The following PTPRN2 variants were observed in gnomAD, a reference collection of about 807,000 sequenced individuals.
The protein encoded by PTPRN2 is protein tyrosine phosphatase receptor type N2.
PTPRN2 carries 74 observed loss-of-function variants against 118.8 expected under a neutral mutation model. The observed-to-expected ratio is 0.62, with a 90% CI of 0.52 to 0.76. PTPRN2 has a LOEUF of 0.76. Ranked by LOEUF, PTPRN2 falls within the 30% of genes least tolerant of loss-of-function variation. PTPRN2 has a pLI of 0.00. For missense variants in PTPRN2, 1,481 were observed against 1,394.4 expected, an observed-to-expected ratio of 1.06 and a Z score of -0.99; for synonymous variants, 641 against 608.0, an observed-to-expected ratio of 1.05 and a Z score of -0.80.
Position 158,316,772 on chromosome 7 carries a change from G to T in PTPRN2, c.277+47C>A, listed in dbSNP as rs562173360. The T allele has an allele frequency of 8.4e-6, 12 of 1,427,076 alleles. No homozygotes were observed. The African/African-American group carries it at 1.4e-4, about 17-fold the overall frequency. The allele number at this position is 1,427,076 out of a possible 1,614,324, so 88.4% of individuals were successfully genotyped here. A position where few individuals can be genotyped will look rare whatever the true frequency, so the allele number is the denominator to read the frequency against. ...CAGGAGGAGAAGCCAAGCCCGTGCG[G>T]TCGCTCAGTGCGGCAGCCGCCGAGC... On this transcript the variant is annotated intron_variant, in intron 3 of 22. Transcript: ENST00000389418.
At chr7:158,124,792 G>C (rs1253644484) in intron 9 of PTPRN2, among the ~76,000 whole-genome samples, 1 of 152,194 alleles carries the variant, frequency 6.6e-6, no homozygotes, top group Non-Finnish European at 1.5e-5. Context: ...GCCACGCTGG[G>C]GCTGGGGTCT....
At chr7:158,270,699 C>G (rs1004395030) in intron 3 of PTPRN2, among the ~76,000 whole-genome samples, 1 of 151,688 alleles carries the variant, frequency 6.6e-6, no homozygotes, top group Admixed American at 6.6e-5. Context: ...CTGGGCCACC[C>G]CTCTACTGGG....
chr7:158,061,645 C>T (rs2128907585), intron 11 of PTPRN2, among the ~76,000 whole-genome samples: 1 of 152,316 alleles, frequency 6.6e-6, no homozygotes, highest in Admixed American at 6.5e-5. Context: ...CCAGGATTGT[C>T]ATTTCAGCAC....
At chr7:158,366,056 GC>G (rs1271750133) in intron 2 of PTPRN2, among the ~76,000 whole-genome samples, 1 of 142,648 alleles carries the variant, frequency 7.0e-6, no homozygotes, top group Non-Finnish European at 1.5e-5. Flanking sequence ...AGAAGCTGCA[GC>G]CCAATGCACG....
chr7:157,686,397 A>C (rs1797195848), intron 12 of PTPRN2, among the ~76,000 whole-genome samples: 1 of 152,218 alleles, frequency 6.6e-6, no homozygotes, highest in South Asian at 2.1e-4. Flanking sequence ...ATAACTTTAC[A>C]ATGACTTGAC....
chr7:158,533,665 G>A (rs1825416980), intron 1 of PTPRN2, among the ~76,000 whole-genome samples: 1 of 152,208 alleles, frequency 6.6e-6, no homozygotes, highest in African/African-American at 2.4e-5. Flanking sequence ...AGAAGCTCTA[G>A]CCTGAGGCAC....
intron 11 of PTPRN2, among the ~76,000 whole-genome samples, chr7:157,995,641 C>G (rs1804669060): frequency 1.3e-5 from 2 of 152,252 alleles, no homozygotes; most frequent in African/African-American, 4.8e-5. Context: ...GGGTGTGGAC[C>G]AAGGGCTTGC....
At chr7:158,522,920 C>A (rs1162449293) in intron 1 of PTPRN2, among the ~76,000 whole-genome samples, 1 of 152,178 alleles carries the variant, frequency 6.6e-6, no homozygotes, top group Admixed American at 6.5e-5. Flanking sequence ...AGGGAGAGGG[C>A]AGCAAAGATC....
chr7:158,449,892 C>A (rs1485113835), intron 2 of PTPRN2, among the ~76,000 whole-genome samples: 1 of 152,330 alleles, frequency 6.6e-6, no homozygotes, highest in East Asian at 1.9e-4. Context: ...AGCTACAACA[C>A]AAAACGTTGC....
chr7:158,199,059 C>T (rs1403490914), intron 4 of PTPRN2, among the ~76,000 whole-genome samples: 6 of 152,058 alleles, frequency 3.9e-5, no homozygotes, highest in Non-Finnish European at 8.8e-5. Flanking sequence ...AGCATGTTCT[C>T]AAGTTCTCAG....
chr7:158,370,567 A>G (rs932392121), intron 2 of PTPRN2, among the ~76,000 whole-genome samples: 3 of 152,196 alleles, frequency 2.0e-5, no homozygotes, highest in Non-Finnish European at 2.9e-5. Context: ...CCTGGCCAAC[A>G]CGGTGAAACC....
chr7:158,577,803 C>T (rs1185237356), intron 1 of PTPRN2, among the ~76,000 whole-genome samples: 2 of 152,242 alleles, frequency 1.3e-5, no homozygotes, highest in Admixed American at 1.3e-4. Flanking sequence ...ACAGGTCTCC[C>T]CTTGGACTCT....
chr7:158,226,462 T>G (rs940777352), intron 3 of PTPRN2, among the ~76,000 whole-genome samples: 1 of 152,142 alleles, frequency 6.6e-6, no homozygotes, highest in Non-Finnish European at 1.5e-5. Context: ...CAGGCTGAAC[T>G]GTGTGGCAGA....
intron 2 of PTPRN2, among the ~76,000 whole-genome samples, chr7:158,350,984 G>A (rs962647774): frequency 3.9e-5 from 6 of 152,206 alleles, no homozygotes; most frequent in African/African-American, 1.4e-4. Flanking sequence ...TCAGGTGCCA[G>A]TTCCGTCAAC....
At chr7:157,664,401 T>G (rs1413815792) in intron 13 of PTPRN2, among the ~76,000 whole-genome samples, 1 of 152,266 alleles carries the variant, frequency 6.6e-6, no homozygotes, top group East Asian at 1.9e-4. Context: ...CGGGGGCTCC[T>G]GTCAGCCAGT....
At chr7:158,179,325 C>T (rs948408146) in intron 5 of PTPRN2, among the ~76,000 whole-genome samples, 22 of 152,042 alleles carry the variant, frequency 1.4e-4, no homozygotes, top group South Asian at 1.0e-3. Context: ...TGTCTGTTCA[C>T]GTCATTTGTC....
chr7:158,131,736 C>T (rs1482158192), intron 9 of PTPRN2, among the ~76,000 whole-genome samples: 1 of 151,780 alleles, frequency 6.6e-6, no homozygotes. Flanking sequence ...CTACCCAACA[C>T]ACTCATACAC....
rs1233698288 is a variant in PTPRN2, at chr7:158,312,029, GTA to G, written c.277+4788_277+4789del. 4.3e-5 allele frequency among the ~76,000 whole-genome samples: 6 copies of G among 140,520 alleles called. No individual in the cohort carries two copies. In the East Asian group the frequency reaches 6.6e-4, roughly 15 times the overall value. 92.2% of individuals were successfully genotyped at this position (140,520 alleles called of 152,430 possible). On this transcript the variant is annotated intron_variant, in intron 3 of 22. Coordinates refer to ENST00000389418, the MANE Select transcript of PTPRN2 (RefSeq NM_002847.5). The stretch of plus-strand genomic sequence containing the variant: ...CACCTGCACATTCACATGCTCACGT[GTA>G]GAGACACACACATGCACACACGTGC...
At chr7:158,034,994 G>A (rs1409647009) in intron 11 of PTPRN2, among the ~76,000 whole-genome samples, 1 of 152,240 alleles carries the variant, frequency 6.6e-6, no homozygotes, top group African/African-American at 2.4e-5. Context: ...ACATTAGAAA[G>A]CTGGGATCAA....
Sources: gnomAD v4.1 joint callset for allele counts (sites outside exome capture counted in the v4.1 genomes callset) on GRCh38, gnomAD v4.1.1 for gene constraint, MANE v1.5 for transcripts, NCBI Gene and HGNC (gene_info 2026-07-23, HGNC 2026-07-21) for gene names.